ARFIP1: variants seen among roughly 807,000 people sequenced by gnomAD.
The protein encoded by ARFIP1 is ARF interacting protein 1.
A neutral mutation model predicts 42.5 loss-of-function variants in ARFIP1; 24 were observed. The ratio of observed to expected loss-of-function variants is 0.57; its 90% CI spans 0.41 to 0.80. The LOEUF is 0.80. ARFIP1 is among the 30% of genes least tolerant of loss of function. ARFIP1 has a pLI of 0.00. For synonymous variants in ARFIP1, 141 were observed against 153.7 expected (o/e 0.92, Z 0.61); for missense variants, 354 against 434.0 (o/e 0.82, Z 1.64).
intron 1 of ARFIP1, among the ~76,000 whole-genome samples, chr4:152,789,915 G>T (rs536895000): frequency 6.6e-6 from 1 of 152,198 alleles, no homozygotes; most frequent in South Asian, 2.1e-4. Flanking sequence ...ACCTACCACA[G>T]GCCTAGAATC....
intron 1 of ARFIP1, among the ~76,000 whole-genome samples, chr4:152,828,982 C>G (rs776548631): frequency 6.6e-6 from 1 of 152,182 alleles, no homozygotes; most frequent in Non-Finnish European, 1.5e-5. Flanking sequence ...AAAATACAGT[C>G]TTTTCACCTT....
At chr4:152,883,110 C>T (rs1426150428) in intron 7 of ARFIP1, 1 of 453,114 alleles carries the variant, frequency 2.2e-6, no homozygotes, top group Non-Finnish European at 3.9e-6. Flanking sequence ...AATTAGAACC[C>T]CTATGCTGGG....
intron 1 of ARFIP1, among the ~76,000 whole-genome samples, chr4:152,790,250 A>G (rs750622418): frequency 5.3e-5 from 8 of 152,220 alleles, no homozygotes; most frequent in South Asian, 2.1e-4. Context: ...TAACTCTCCA[A>G]TTATCCATTG....
chr4:152,900,443 T>A (rs1202098936), intron 8 of ARFIP1, among the ~76,000 whole-genome samples: 5 of 152,112 alleles, frequency 3.3e-5, no homozygotes, highest in African/African-American at 1.2e-4. Context: ...TGTCAGTGAT[T>A]TGTTGAAACC....
intron 2 of ARFIP1, among the ~76,000 whole-genome samples, chr4:152,845,643 A>G (rs576187747): frequency 1.2e-4 from 19 of 152,330 alleles, no homozygotes; most frequent in African/African-American, 3.6e-4. Context: ...CAAAACCACA[A>G]TGAGATGCCA....
intron 3 of ARFIP1, among the ~76,000 whole-genome samples, chr4:152,865,211 C>T (rs775094085): frequency 3.3e-5 from 5 of 152,026 alleles, no homozygotes; most frequent in Non-Finnish European, 7.4e-5. Flanking sequence ...GATCTTGGCT[C>T]ACTGCAACCT....
chr4:152,864,198 C>T (rs1353951860), intron 3 of ARFIP1, among the ~76,000 whole-genome samples: 1 of 152,158 alleles, frequency 6.6e-6, no homozygotes, highest in Non-Finnish European at 1.5e-5. Context: ...TTTTGACCAC[C>T]TCTCTATCCT....
At chr4:152,836,457 C>T (rs1731657643) in intron 2 of ARFIP1, among the ~76,000 whole-genome samples, 1 of 152,150 alleles carries the variant, frequency 6.6e-6, no homozygotes, top group African/African-American at 2.4e-5. Flanking sequence ...AAAGACTATC[C>T]TTCCTCCACT....
intron 2 of ARFIP1, among the ~76,000 whole-genome samples, chr4:152,848,586 G>T (rs1290423915): frequency 1.3e-5 from 2 of 152,172 alleles, no homozygotes; most frequent in Non-Finnish European, 1.5e-5. Flanking sequence ...ATCTGCAGAA[G>T]ATTTGGGAAA....
intron 2 of ARFIP1, among the ~76,000 whole-genome samples, chr4:152,840,785 C>T (rs1176416517): frequency 2.8e-5 from 4 of 142,122 alleles, no homozygotes; most frequent in Non-Finnish European, 6.0e-5. Flanking sequence ...ATGGCGCAAT[C>T]TCGGCTCACT....
intron 8 of ARFIP1, among the ~76,000 whole-genome samples, chr4:152,903,390 T>C (rs951063623): frequency 1.3e-5 from 2 of 152,140 alleles, no homozygotes; most frequent in African/African-American, 2.4e-5. Context: ...TTATCTGTTT[T>C]GTTATAAGCC....
At chr4:152,823,437 G>C (rs1240558471) in intron 1 of ARFIP1, among the ~76,000 whole-genome samples, 1 of 152,066 alleles carries the variant, frequency 6.6e-6, no homozygotes, top group Admixed American at 6.6e-5. Context: ...ATTTTAAGAA[G>C]CCCACAGCCA....
chr4:152,780,764 A>G (rs549487401), intron 1 of ARFIP1, among the ~76,000 whole-genome samples: 33 of 152,216 alleles, frequency 2.2e-4, no homozygotes, highest in African/African-American at 7.5e-4. Context: ...GAGTTGTTCG[A>G]TTGTCTTCTG....
chr4:152,848,108 G>A lies in ARFIP1; in HGVS notation c.94-15498G>A, dbSNP rs138836440. ...TCAGTAGAACTACCTTAGAGATCTCGGAGTCTCACTATGTTATTTTATAGT... is the reference window on the plus strand; with the variant it reads ...TCAGTAGAACTACCTTAGAGATCTCAGAGTCTCACTATGTTATTTTATAGT... On this transcript the variant is annotated intron_variant, in intron 2 of 8. Transcript: ENST00000353617. Among the ~76,000 whole-genome samples the A allele has an allele frequency of 3.1e-3, 473 of 152,070 alleles. 1 individual carries two copies. Among genetic ancestry groups the A allele is most frequent in the Middle Eastern group, 6.8e-3 (2 of 294 alleles).
intron 8 of ARFIP1, among the ~76,000 whole-genome samples, chr4:152,908,844 G>A (rs7664303): frequency 0.38 from 57,323 of 150,978 alleles, 11,932 homozygotes; most frequent in Admixed American, 0.5. Flanking sequence ...AGAGGTGACC[G>A]AGACCAGCTC....
chr4:152,809,769 C>T (rs1729300838), intron 1 of ARFIP1: 1 of 152,202 alleles, frequency 6.6e-6, no homozygotes, highest in Admixed American at 6.5e-5. Context: ...TTTTGCATTA[C>T]TCTTCATGTT....
intron 8 of ARFIP1, among the ~76,000 whole-genome samples, chr4:152,894,737 A>G (rs1049093692): frequency 1.3e-5 from 2 of 152,220 alleles, no homozygotes; most frequent in Non-Finnish European, 2.9e-5. Flanking sequence ...TATTACATAC[A>G]TTTGGATTCT....
chr4:152,822,641 C>A (rs139278234), intron 1 of ARFIP1, among the ~76,000 whole-genome samples: 2 of 152,272 alleles, frequency 1.3e-5, no homozygotes, highest in Admixed American at 1.3e-4. Flanking sequence ...CAACATTCTC[C>A]AAGGTATATC....
rs553453912 is a variant in ARFIP1, at chr4:152,783,241, C to T, written c.-10+3015C>T. Among the ~76,000 whole-genome samples the T allele has an allele frequency of 1.6e-4, 25 of 152,164 alleles. No individual in the cohort carries two copies. In the East Asian group the frequency reaches 3.3e-3, roughly 20 times the overall value. ...AGGAGAATCGCTTGAACCCAGGAGG[C>T]GGAGGCTGCAGTAAGCCAAGATCCC... On this transcript the variant is annotated intron_variant, in intron 1 of 8. Coordinates refer to ENST00000353617, the MANE Select transcript of ARFIP1 (RefSeq NM_001025595.3).
Sources: gnomAD v4.1 joint callset for allele counts (sites outside exome capture counted in the v4.1 genomes callset) on GRCh38, gnomAD v4.1.1 for gene constraint, MANE v1.5 for transcripts, NCBI Gene and HGNC (gene_info 2026-07-23, HGNC 2026-07-21) for gene names.